IQCM: variants seen among roughly 807,000 people sequenced by gnomAD.
IQCM encodes IQ domain-containing protein M.
A neutral mutation model predicts 57.6 loss-of-function variants in IQCM; 45 were observed. That is an observed-to-expected ratio of 0.78 (90% CI 0.62 to 1.00). The LOEUF is 1.00. Ranked by LOEUF, IQCM falls within the 50% of genes least tolerant of loss-of-function variation. The probability of loss-of-function intolerance (pLI) is 0.00; values close to 1 mark genes in which losing one functional copy is unlikely to be tolerated. For synonymous variants in IQCM, 148 were observed against 158.9 expected (o/e 0.93, Z 0.51); for missense variants, 468 against 511.6 (o/e 0.91, Z 0.82).
At chr4:149,733,025 G>C (rs1318663969) in intron 5 of IQCM, among the ~76,000 whole-genome samples, 1 of 152,078 alleles carries the variant, frequency 6.6e-6, no homozygotes, top group East Asian at 1.9e-4. Flanking sequence ...AACAAGTTTT[G>C]TTCCCCTAAA....
intron 5 of IQCM, among the ~76,000 whole-genome samples, chr4:149,690,316 C>T (rs540418945): frequency 4.1e-4 from 62 of 151,954 alleles, no homozygotes; most frequent in Non-Finnish European, 5.0e-4. Context: ...AGTGAAGTAA[C>T]TCAGGAATGG....
At chr4:149,604,773 C>A (rs1377002056) in intron 8 of IQCM, among the ~76,000 whole-genome samples, 1 of 152,126 alleles carries the variant, frequency 6.6e-6, no homozygotes, top group Admixed American at 6.6e-5. Flanking sequence ...TATTTGGCTG[C>A]CTTTTTACAG....
At chr4:149,730,951 C>G (rs1293951524) in intron 5 of IQCM, among the ~76,000 whole-genome samples, 1 of 152,060 alleles carries the variant, frequency 6.6e-6, no homozygotes, top group African/African-American at 2.4e-5. Flanking sequence ...CGGTAGTGAT[C>G]CCTCACATCT....
intron 7 of IQCM, among the ~76,000 whole-genome samples, chr4:149,646,916 A>T (rs1284797038): frequency 6.6e-6 from 1 of 152,156 alleles, no homozygotes; most frequent in Non-Finnish European, 1.5e-5. Context: ...CCTAGGGGGT[A>T]GAGGTTGCAG....
intron 8 of IQCM, among the ~76,000 whole-genome samples, chr4:149,590,951 C>T (rs1753101504): frequency 6.6e-6 from 1 of 151,972 alleles, no homozygotes; most frequent in African/African-American, 2.4e-5. Flanking sequence ...ATTTATCATC[C>T]TTCTTTAAAA....
At chr4:149,601,914 C>T (rs918097290) in intron 8 of IQCM, among the ~76,000 whole-genome samples, 2 of 150,990 alleles carry the variant, frequency 1.3e-5, no homozygotes, top group Non-Finnish European at 2.9e-5. Context: ...ATTAGTCAGG[C>T]GTGGTGGCTG....
At chr4:149,398,586 T>C (rs1454368471) in intron 13 of IQCM, among the ~76,000 whole-genome samples, 1 of 152,114 alleles carries the variant, frequency 6.6e-6, no homozygotes, top group Non-Finnish European at 1.5e-5. Context: ...CCTCCTTAAC[T>C]AAGCTTTATT....
chr4:149,679,534 T>C (rs1318804409), intron 7 of IQCM, among the ~76,000 whole-genome samples: 1 of 151,542 alleles, frequency 6.6e-6, no homozygotes, highest in Non-Finnish European at 1.5e-5. Flanking sequence ...GGTTCTGTCA[T>C]AAAGAGAAGA....
intron 13 of IQCM, among the ~76,000 whole-genome samples, chr4:149,408,313 G>C (rs564018892): frequency 6.6e-6 from 1 of 152,256 alleles, no homozygotes; most frequent in African/African-American, 2.4e-5. Flanking sequence ...AATGTGAAAA[G>C]TAAACTGGTT....
chr4:149,667,750 C>T (rs945723305), intron 7 of IQCM, among the ~76,000 whole-genome samples: 4 of 151,696 alleles, frequency 2.6e-5, no homozygotes, highest in African/African-American at 9.7e-5. Flanking sequence ...CCTGATGGAG[C>T]TGAAAAACAC....
chr4:149,469,282 A>T lies in IQCM; in HGVS notation c.1229-35725T>A, dbSNP rs1739233803. 2.0e-5 allele frequency among the ~76,000 whole-genome samples: 3 copies of T among 152,346 alleles called. 1 individual carries two copies. The South Asian group carries it at 6.2e-4, about 32-fold the overall frequency. ...AACAGTGTGGAGAAGTCCTTAAATA[A>T]CCTGATGGAGCTGAAAACCATGGCA... On this transcript the variant is annotated intron_variant, in intron 12 of 13. Transcript: ENST00000636793.
rs72955457 is a variant in IQCM, at chr4:149,501,663, C to T, written c.1228+46792G>A. 2.2e-3 allele frequency among the ~76,000 whole-genome samples: 335 copies of T among 152,260 alleles called. 1 individual carries two copies. Among genetic ancestry groups the T allele is most frequent in the African/African-American group, 7.6e-3 (316 of 41,562 alleles). ...TTGAAGATAGGAAATGAGAAATGAT[C>T]TCCAAATTATCCTGCTAAGAAACAT... On this transcript the variant is annotated intron_variant, in intron 12 of 13. Transcript: ENST00000636793.
chr4:149,468,159 C>T (rs1739071996), intron 12 of IQCM, among the ~76,000 whole-genome samples: 1 of 151,680 alleles, frequency 6.6e-6, no homozygotes, highest in African/African-American at 2.4e-5. Context: ...TGGATGCAGC[C>T]CATGGAGCTG....
At chr4:149,659,810 C>T (rs1466458386) in intron 7 of IQCM, among the ~76,000 whole-genome samples, 1 of 151,588 alleles carries the variant, frequency 6.6e-6, no homozygotes, top group Non-Finnish European at 1.5e-5. Flanking sequence ...CCCTTCCTTA[C>T]ACCTGATACA....
chr4:149,468,662 A>T (rs946859363), intron 12 of IQCM, among the ~76,000 whole-genome samples: 1 of 152,224 alleles, frequency 6.6e-6, no homozygotes, highest in South Asian at 2.1e-4. Context: ...ATCTGAGAAC[A>T]GACAGACTGC....
chr4:149,516,489 T>G (rs1744981880), intron 12 of IQCM, among the ~76,000 whole-genome samples: 1 of 152,198 alleles, frequency 6.6e-6, no homozygotes, highest in African/African-American at 2.4e-5. Flanking sequence ...AGCAGCTGGA[T>G]TGACAGAATT....
At chr4:149,617,916 A>C (rs1253051032) in intron 8 of IQCM, among the ~76,000 whole-genome samples, 2 of 152,216 alleles carry the variant, frequency 1.3e-5, no homozygotes, top group Non-Finnish European at 2.9e-5. Context: ...AAAATAATTT[A>C]AATGATCATA....
chr4:149,539,552 A>G (rs913966625), intron 12 of IQCM, among the ~76,000 whole-genome samples: 2 of 152,118 alleles, frequency 1.3e-5, no homozygotes, highest in African/African-American at 2.4e-5. Flanking sequence ...GTAAATTATA[A>G]CTCAATTGAG....
chr4:149,612,018 G>C (rs1395340114), intron 8 of IQCM, among the ~76,000 whole-genome samples: 1 of 151,822 alleles, frequency 6.6e-6, no homozygotes, highest in African/African-American at 2.4e-5. Flanking sequence ...CTACATGGCT[G>C]GTGAGACCTC....
Sources: allele counts gnomAD v4.1 joint callset (sites outside exome capture counted in the v4.1 genomes callset), GRCh38; gene constraint gnomAD v4.1.1; transcripts MANE v1.5; gene names NCBI Gene and HGNC (gene_info 2026-07-23, HGNC 2026-07-21).